The following LGR6 variants were observed in gnomAD, a reference collection of about 807,000 sequenced individuals.
LGR6 encodes leucine rich repeat containing G protein-coupled receptor 6, also known as leucine-rich repeat-containing G protein-coupled receptor 6.
In LGR6, 45 loss-of-function variants were observed where a neutral mutation model predicts 69.4. The observed-to-expected ratio is 0.65, with a 90% CI of 0.51 to 0.83. The LOEUF is 0.83. Ranked by LOEUF, LGR6 falls within the 40% of genes least tolerant of loss-of-function variation. The pLI, the probability that LGR6 is intolerant of heterozygous loss-of-function variation, is 0.00. For missense variants in LGR6, 1,108 were observed against 1,246.7 expected (o/e 0.89, Z 1.68); for synonymous variants, 538 against 555.0 (o/e 0.97, Z 0.43).
intron 1 of LGR6, among the ~76,000 whole-genome samples, chr1:202,217,882 C>T (rs945739390): frequency 6.6e-6 from 1 of 152,186 alleles, no homozygotes; most frequent in East Asian, 1.9e-4. Context: ...CCAGAGAGAA[C>T]AGGTTGTGCT....
At chr1:202,270,332 A>G (rs1664990437) in intron 4 of LGR6, among the ~76,000 whole-genome samples, 1 of 152,022 alleles carries the variant, frequency 6.6e-6, no homozygotes, top group Admixed American at 6.6e-5. Context: ...AACCTCCGCA[A>G]CCAGGGTTCA....
intron 5 of LGR6, among the ~76,000 whole-genome samples, chr1:202,280,422 C>T (rs1665912804): frequency 6.6e-6 from 1 of 152,198 alleles, no homozygotes; most frequent in East Asian, 1.9e-4. Context: ...GTCAGGCAGA[C>T]TGGGTCCTGG....
At chr1:202,308,068 A>G (rs938943261) in intron 14 of LGR6, among the ~76,000 whole-genome samples, 1 of 152,174 alleles carries the variant, frequency 6.6e-6, no homozygotes, top group South Asian at 2.1e-4. Context: ...TTTCTGGTTA[A>G]CACAAAGACT....
At chr1:202,245,461 C>G (rs972415990) in intron 4 of LGR6, among the ~76,000 whole-genome samples, 1 of 152,120 alleles carries the variant, frequency 6.6e-6, no homozygotes, top group Non-Finnish European at 1.5e-5. Context: ...AGAGTTGGCC[C>G]AAGTCGGGCC....
chr1:202,286,122 A>G (rs1030535657), intron 6 of LGR6, among the ~76,000 whole-genome samples: 1 of 152,152 alleles, frequency 6.6e-6, no homozygotes, highest in Non-Finnish European at 1.5e-5. Context: ...TGAGATTTTT[A>G]ATTCCTTCTG....
At chr1:202,225,241 C>G in intron 1 of LGR6, 182 bp from the exon 2 acceptor site, 1 of 579,166 alleles carries the variant, frequency 1.7e-6, no homozygotes, top group Non-Finnish European at 3.1e-6. Context: ...TGACTCCCAG[C>G]TCAGTTCTTG....
chr1:202,234,173 C>T (rs1288697299), intron 3 of LGR6, among the ~76,000 whole-genome samples: 1 of 152,248 alleles, frequency 6.6e-6, no homozygotes, highest in Admixed American at 6.5e-5. Context: ...GCTCACAGCC[C>T]TGGGCTCTGC....
intron 9 of LGR6, among the ~76,000 whole-genome samples, chr1:202,302,650 G>T (rs1007066222): frequency 6.6e-6 from 1 of 152,044 alleles, no homozygotes; most frequent in African/African-American, 2.4e-5. Context: ...GGGTTCAAGC[G>T]ATTCTCCTGC....
At chr1:202,317,928 G>T (rs1654272253) in intron 17 of LGR6, 24 bp from the exon 18 acceptor site, 1 of 1,574,890 alleles carries the variant, frequency 6.3e-7, no homozygotes, top group Non-Finnish European at 8.6e-7. Context: ...CTGGCCCAGG[G>T]TTAATGTCTG....
rs1553239216 is a variant in LGR6 at position 202,210,441 on chromosome 1, A to AAC, written c.213-14981_213-14980insCA. On this transcript the variant is annotated intron_variant, in intron 1 of 17. Coordinates refer to ENST00000367278, the MANE Select transcript of LGR6 (RefSeq NM_001017403.2). ...AGGTACAGAGCAGAAAAAAAAAAAA[A>AAC]AACAAAAACCCTAGGCTGGAGCAGA... Among the ~76,000 whole-genome samples, 90 of 151,858 alleles carry AAC rather than the reference A, an allele frequency of 5.9e-4. 2 individuals carry two copies. The East Asian group carries it at 0.015, about 26-fold the overall frequency.
intron 4 of LGR6, among the ~76,000 whole-genome samples, chr1:202,272,076 CT>C (rs1302600122): frequency 3.9e-5 from 6 of 152,180 alleles, no homozygotes; most frequent in Non-Finnish European, 7.3e-5. Context: ...CAGGAGCCCC[CT>C]GGGTCAGAGC....
chr1:202,226,229 A>T (rs759510391), intron 2 of LGR6, among the ~76,000 whole-genome samples: 1 of 152,058 alleles, frequency 6.6e-6, no homozygotes, highest in Non-Finnish European at 1.5e-5. Context: ...TTCTGTCCCA[A>T]TCCTTGCTTT....
rs765411111 is a variant in LGR6 at position 202,297,465 on chromosome 1, C to T, written c.717-43C>T. ...ATTTCTCAGGGACCCTGACATGCCCCATTAAGCCTTTGCCCTAATGACTGC... is the reference window on the plus strand; with the variant it reads ...ATTTCTCAGGGACCCTGACATGCCCTATTAAGCCTTTGCCCTAATGACTGC... On this transcript the variant is annotated intron_variant, in intron 6 of 17. Transcript: ENST00000367278. The T allele has an allele frequency of 2.0e-6, 3 of 1,529,948 alleles. No homozygotes were observed. In the South Asian group the frequency reaches 3.5e-5, roughly 18 times the overall value. 94.8% of individuals were successfully genotyped at this position (1,529,948 alleles called of 1,614,324 possible). A position where few individuals can be genotyped will look rare whatever the true frequency, so the allele number is the denominator to read the frequency against.
At chr1:202,218,933 T>C (rs1367752181) in intron 1 of LGR6, among the ~76,000 whole-genome samples, 1 of 152,196 alleles carries the variant, frequency 6.6e-6, no homozygotes, top group East Asian at 1.9e-4. Context: ...TGTCAACTCC[T>C]TGATGGCCCA....
chr1:202,291,056 G>T lies in LGR6; in HGVS notation c.717-6452G>T, dbSNP rs143122840. Among the ~76,000 whole-genome samples, 173 of 152,250 alleles carry T rather than the reference G, an allele frequency of 1.1e-3. 1 individual carries two copies. Among genetic ancestry groups the T allele is most frequent in the Middle Eastern group, 3.4e-3 (1 of 294 alleles). ...TGGGTCCTTGAACAGCTTAGGGCTG[G>T]GGTTGCCTTCTCAGCTACTTTTACC... On this transcript the variant is annotated intron_variant, in intron 6 of 17. Coordinates refer to ENST00000367278, the MANE Select transcript of LGR6 (RefSeq NM_001017403.2).
chr1:202,287,263 A>G (rs1204305466), intron 6 of LGR6, among the ~76,000 whole-genome samples: 1 of 152,252 alleles, frequency 6.6e-6, no homozygotes, highest in East Asian at 1.9e-4. Context: ...TAAAACATTT[A>G]TGAACAACAA....
At chr1:202,287,458 C>T (rs1466502234) in intron 6 of LGR6, among the ~76,000 whole-genome samples, 2 of 152,188 alleles carry the variant, frequency 1.3e-5, no homozygotes, top group African/African-American at 4.8e-5. Flanking sequence ...TCTCTCCCTC[C>T]ATGTTCTCAT....
Position 202,318,911 on chromosome 1 carries a change from C to T in LGR6, c.2608C>T (p.Leu870=). ...GAGCTCCTGTGATTCTACCCAGGCCCTGGTAGCCTTCTCTGATGTGGATCT... is the reference window on the plus strand; with the variant it reads ...GAGCTCCTGTGATTCTACCCAGGCCTTGGTAGCCTTCTCTGATGTGGATCT... ...EKSSCDSTQA[L]VAFSDVDLIL... is the part of the protein sequence containing the mutation. The change falls in exon 18 of 18, where the codon CTG becomes TTG. Residue 870 remains leucine, a synonymous_variant. Transcript: ENST00000367278. 6.2e-7 allele frequency: 1 copy of T among 1,614,156 alleles called. No homozygotes were observed. The highest frequency in any genetic ancestry group is 8.5e-7 in the Non-Finnish European group (1 of 1,179,994).
chr1:202,253,787 C>T (rs1408877060), intron 4 of LGR6, among the ~76,000 whole-genome samples: 1 of 146,868 alleles, frequency 6.8e-6, no homozygotes, highest in African/African-American at 2.5e-5. Context: ...TGCCACCACG[C>T]CTGGCTAATT....
Sources: gnomAD v4.1 joint callset for allele counts (sites outside exome capture counted in the v4.1 genomes callset) on GRCh38, gnomAD v4.1.1 for gene constraint, MANE v1.5 for transcripts, NCBI Gene and HGNC (gene_info 2026-07-23, HGNC 2026-07-21) for gene names.